The following EPHA6 variants were observed in gnomAD, a reference collection of about 807,000 sequenced individuals.
EPHA6 encodes the protein EPH receptor A6.
A neutral mutation model predicts 112.0 loss-of-function variants in EPHA6; 50 were observed. The observed-to-expected ratio is 0.45, with a 90% confidence interval of 0.36 to 0.56. The LOEUF is 0.56. Ranked by LOEUF, EPHA6 falls within the 20% of genes least tolerant of loss-of-function variation. The pLI is 0.00. For synonymous variants in EPHA6, 529 were observed against 490.7 expected, an observed-to-expected ratio of 1.08 and a Z score of -1.03; for missense variants, 1,280 against 1,417.4, an observed-to-expected ratio of 0.90 and a Z score of 1.56.
At chr3:97,082,194 T>A (rs542489911) in intron 3 of EPHA6, among the ~76,000 whole-genome samples, 1 of 151,982 alleles carries the variant, frequency 6.6e-6, no homozygotes, top group South Asian at 2.1e-4. Context: ...TAAAATCTCT[T>A]TTGCAGTTAT....
chr3:97,715,426 T>A (rs1262567054), intron 14 of EPHA6, among the ~76,000 whole-genome samples: 3 of 152,222 alleles, frequency 2.0e-5, no homozygotes, highest in Non-Finnish European at 2.9e-5. Context: ...AAGGATTTTT[T>A]AAATTATGCT....
chr3:97,706,976 A>T (rs2033713214), intron 14 of EPHA6, among the ~76,000 whole-genome samples: 1 of 151,894 alleles, frequency 6.6e-6, no homozygotes, highest in Admixed American at 6.6e-5. Context: ...TGTTCAAGAA[A>T]CTCAAGACTA....
intron 4 of EPHA6, among the ~76,000 whole-genome samples, chr3:97,239,804 T>C (rs13085940): frequency 6.6e-6 from 1 of 151,762 alleles, no homozygotes; most frequent in African/African-American, 2.4e-5. Context: ...TTGAAAAAGA[T>C]TCCTCAATGT....
chr3:96,947,371 AG>A (rs1231117991), intron 2 of EPHA6, among the ~76,000 whole-genome samples: 1 of 152,152 alleles, frequency 6.6e-6, no homozygotes. Context: ...GGCATAAGGA[AG>A]GGATCCAGTT....
At chr3:96,897,498 T>G (rs1166681845) in intron 2 of EPHA6, among the ~76,000 whole-genome samples, 1 of 152,200 alleles carries the variant, frequency 6.6e-6, no homozygotes, top group Non-Finnish European at 1.5e-5. Flanking sequence ...TTCTCATTCC[T>G]AGGCTGAGTC....
intron 3 of EPHA6, among the ~76,000 whole-genome samples, chr3:97,045,433 T>G (rs1385089774): frequency 6.6e-6 from 1 of 152,028 alleles, no homozygotes; most frequent in Non-Finnish European, 1.5e-5. Context: ...TCTGACATAG[T>G]CTTTTTATGA....
In EPHA6 at chr3:97,532,481, C is replaced by A; in HGVS notation, c.2324C>A (p.Ala775Asp). The change falls in exon 11 of 18, where the codon GCT becomes GAT. Residue 775 changes from alanine to aspartate, a missense_variant. By Grantham distance (126) the Ala-to-Asp change is moderately radical (BLOSUM62 -2). This residue lies in a region of EPHA6 where 878 missense variants were observed against 999.7 expected (regional missense o/e 0.88). Transcript: ENST00000389672. ...CAAAGAAGAGATTTTCTAAGAGAAG[C>A]TAGTATCATGGGCCAGTTTGACCAT... ...DRQRRDFLRE[A>D]SIMGQFDHPN... 3 of 1,612,282 alleles carry A rather than the reference C, an allele frequency of 1.9e-6. No homozygotes were observed. Among genetic ancestry groups the A allele is most frequent in the Non-Finnish European group, 2.5e-6 (3 of 1,178,834 alleles).
intron 12 of EPHA6, among the ~76,000 whole-genome samples, chr3:97,605,142 C>G (rs889867114): frequency 2.0e-5 from 3 of 151,264 alleles, no homozygotes; most frequent in Non-Finnish European, 4.4e-5. Flanking sequence ...CAGAGAAATT[C>G]ATAGGAGAGT....
At chr3:97,674,763 A>G (rs2031198331) in intron 14 of EPHA6, among the ~76,000 whole-genome samples, 1 of 152,244 alleles carries the variant, frequency 6.6e-6, no homozygotes, top group Non-Finnish European at 1.5e-5. Context: ...ATTCACTGCT[A>G]TCATCTAAAG....
chr3:97,315,661 T>C (rs576423924), intron 5 of EPHA6, among the ~76,000 whole-genome samples: 47 of 151,760 alleles, frequency 3.1e-4, no homozygotes, highest in Non-Finnish European at 5.6e-4. Context: ...AAATTTTTAG[T>C]GAAATTTTCT....
intron 3 of EPHA6, among the ~76,000 whole-genome samples, chr3:97,206,606 C>T (rs2077718571): frequency 6.6e-6 from 1 of 152,004 alleles, no homozygotes; most frequent in South Asian, 2.1e-4. Context: ...ATTCGAGCTA[C>T]TCTACTTGAT....
At chr3:96,873,926 A>G (rs990179011) in intron 2 of EPHA6, among the ~76,000 whole-genome samples, 7 of 152,136 alleles carry the variant, frequency 4.6e-5, no homozygotes, top group South Asian at 4.1e-4. Context: ...ATTTATGTGA[A>G]GTAAATATTT....
At chr3:96,854,413 T>C (rs2035576295) in intron 1 of EPHA6, among the ~76,000 whole-genome samples, 1 of 151,880 alleles carries the variant, frequency 6.6e-6, no homozygotes, top group African/African-American at 2.4e-5. Context: ...CCGTTGACTT[T>C]ATTAAGAGAT....
At chr3:96,929,736 G>C (rs1331214266) in intron 2 of EPHA6, among the ~76,000 whole-genome samples, 1 of 152,006 alleles carries the variant, frequency 6.6e-6, no homozygotes, top group South Asian at 2.1e-4. Flanking sequence ...ATTTTACTGG[G>C]GTTCTCTTCA....
intron 2 of EPHA6, among the ~76,000 whole-genome samples, chr3:96,874,442 AC>A (rs2036827536): frequency 6.6e-6 from 1 of 152,084 alleles, no homozygotes; most frequent in Admixed American, 6.6e-5. Context: ...TGTGTCTTTT[AC>A]ATGTCTGTTA....
At chr3:97,130,740 A>C (rs571285095) in intron 3 of EPHA6, among the ~76,000 whole-genome samples, 11 of 152,304 alleles carry the variant, frequency 7.2e-5, no homozygotes, top group Admixed American at 3.3e-4. Flanking sequence ...GACTTGAATA[A>C]TTTGATTACA....
At position 97,759,479 on chromosome 3, in the gene EPHA6, T is replaced by C. The variant is rs1044747134; in HGVS notation, c.*10778T>C. On this transcript the variant is annotated 3_prime_UTR_variant, in exon 18 of 18. Coordinates refer to ENST00000389672, the MANE Select transcript of EPHA6 (RefSeq NM_001080448.3). Reference sequence around the variant, plus strand: ...TTAAGGATGCTACAGCATATTTATCTACTAATGAAAATGACTTGGCAGACA... The same window carrying C: ...TTAAGGATGCTACAGCATATTTATCCACTAATGAAAATGACTTGGCAGACA... 1 of 229,864 alleles carries C rather than the reference T, an allele frequency of 4.4e-6. No homozygotes were observed. Among genetic ancestry groups the C allele is most frequent in the Non-Finnish European group, 8.6e-6 (1 of 116,020 alleles). 14.2% of individuals were successfully genotyped at this position (229,864 alleles called of 1,614,324 possible). A position where few individuals can be genotyped will look rare whatever the true frequency, so the allele number is the denominator to read the frequency against.
intron 2 of EPHA6, among the ~76,000 whole-genome samples, chr3:96,892,781 C>A (rs930209480): frequency 1.3e-5 from 2 of 151,550 alleles, no homozygotes; most frequent in Admixed American, 1.3e-4. Context: ...AACCTTTTAA[C>A]CTGTTCCTTG....
chr3:97,049,442 T>A (rs1285759672), intron 3 of EPHA6, among the ~76,000 whole-genome samples: 1 of 152,186 alleles, frequency 6.6e-6, no homozygotes, highest in East Asian at 1.9e-4. Context: ...AACAGATTTG[T>A]GGTAAAGATA....
Sources: gnomAD v4.1 joint callset for allele counts (sites outside exome capture counted in the v4.1 genomes callset) on GRCh38, gnomAD v4.1.1 for gene constraint, gnomAD v4.1.1 regional missense constraint, MANE v1.5 for transcripts, NCBI Gene and HGNC (gene_info 2026-07-23, HGNC 2026-07-21) for gene names.